POLQ: variants seen among roughly 807,000 people sequenced by gnomAD.
POLQ encodes the protein epididymis secretory sperm binding protein.
A neutral mutation model predicts 259.2 loss-of-function variants in POLQ; 233 were observed. That is an observed-to-expected ratio of 0.90 (90% CI 0.81 to 1.00). The LOEUF (loss-of-function observed/expected upper bound fraction) is 1.00, where lower values mean the gene tolerates loss of function less well. POLQ is among the 50% of genes least tolerant of loss of function. The pLI, the probability that POLQ is intolerant of heterozygous loss-of-function variation, is 0.00. For missense variants in POLQ, 2,871 were observed against 3,051.6 expected, an observed-to-expected ratio of 0.94 and a Z score of 1.39; for synonymous variants, 1,025 against 1,048.8, an observed-to-expected ratio of 0.98 and a Z score of 0.44.
rs149003604 is a variant in POLQ, at chr3:121,541,095, G to A, written c.474+254C>T. Reference sequence around the variant, plus strand: ...GGGGTTTCCCCATGTTGGCCAGGCTGGTCTCGATCTCCTGACCTCAGATGA... The same window carrying A: ...GGGGTTTCCCCATGTTGGCCAGGCTAGTCTCGATCTCCTGACCTCAGATGA... On this transcript the variant is annotated intron_variant, in intron 3 of 29. Transcript: ENST00000264233. Among the ~76,000 whole-genome samples, 1,368 of 152,152 alleles carry A rather than the reference G, an allele frequency of 9.0e-3. 19 individuals carry two copies. Among genetic ancestry groups the A allele is most frequent in the African/African-American group, 0.031 (1,295 of 41,508 alleles).
intron 6 of POLQ, among the ~76,000 whole-genome samples, chr3:121,530,472 T>C (rs902058654): frequency 1.3e-5 from 2 of 152,152 alleles, no homozygotes; most frequent in African/African-American, 2.4e-5. Context: ...AGAGCATGTG[T>C]ACTAAATAAA....
intron 15 of POLQ, 111 bp from the exon 16 acceptor site, chr3:121,490,519 GAAGA>G: frequency 1.2e-6 from 1 of 852,784 alleles, no homozygotes; most frequent in African/African-American, 1.7e-5. Flanking sequence ...TAACAATGAA[GAAGA>G]GAGAGAAATG....
rs548651855 is a variant in POLQ, at chr3:121,476,724, C to T, written c.6221G>A (p.Arg2074His). The change falls in exon 20 of 30, where the codon CGT becomes CAT. Residue 2074 changes from arginine to histidine, a missense_variant. Around this residue, in one of 3 missense-constraint regions of POLQ, gnomAD observed 2,080 missense variants for 2,126.0 expected, o/e 0.98. Transcript: ENST00000264233. ...GTACTGAGAGGGCATTTCCACCTTA[C>T]GGAAAACATCTGGAAGAAAAAAGAA... ...LQKENLQDVF[R>H]KVEMPSQYCL... The T allele has an allele frequency of 1.1e-5, 17 of 1,596,490 alleles. No individual in the cohort carries two copies. The highest frequency in any genetic ancestry group is 5.4e-5 in the African/African-American group (4 of 73,832).
At position 121,489,011 on chromosome 3, in the gene POLQ, T is replaced by C. The variant is rs776389961; in HGVS notation, c.3920A>G (p.His1307Arg). The change falls in exon 16 of 30, where the codon CAT becomes CGT. Residue 1307 changes from histidine to arginine, a missense_variant. By Grantham distance (29) the His-to-Arg change is conservative (BLOSUM62 0). This residue lies in a region of POLQ where 2,080 missense variants were observed against 2,126.0 expected (regional missense o/e 0.98). Transcript: ENST00000264233. Reference protein sequence around the residue: ...TYTTNKTKNNHVSDLGLVLCD... With the variant: ...TYTTNKTKNNRVSDLGLVLCD... ...GAGGACTAAACCTAAGTCAGAAACA[T>C]GATTATTTTTAGTTTTGTTTGTTGT... 18 of 1,612,370 alleles carry C rather than the reference T, an allele frequency of 1.1e-5. No homozygotes were observed. The highest frequency in any genetic ancestry group is 2.5e-6 in the Non-Finnish European group (3 of 1,178,850).
At position 121,487,536 on chromosome 3, in the gene POLQ, T is replaced by A. The variant is rs61734810; in HGVS notation, c.5395A>T (p.Ile1799Phe). ...TGAAGTGAAAAGCTTGTGTCACTAA[T>A]AGGGCTGTTGTCTTTGAACCCATTT... The part of the protein sequence containing the change: ...SRNGFKDNSP[I>F]SDTSFSLQLS... The change falls in exon 16 of 30, where the codon ATT becomes TTT. Residue 1799 changes from isoleucine to phenylalanine, a missense_variant. This residue lies in a region of POLQ where 2,080 missense variants were observed against 2,126.0 expected (regional missense o/e 0.98). Coordinates refer to ENST00000264233, the MANE Select transcript of POLQ (RefSeq NM_199420.4). 1.7e-4 allele frequency: 280 copies of A among 1,613,952 alleles called. 1 individual carries two copies. Among genetic ancestry groups the A allele is most frequent in the Middle Eastern group, 3.3e-4 (2 of 6,078 alleles).
chr3:121,539,520 A>G lies in POLQ; in HGVS notation c.544T>C (p.Ser182Pro), dbSNP rs1224819569. Residue 182 changes from serine (S) to proline (P), a missense_variant, in exon 4 of 30, where the codon TCT becomes CCT. Coordinates refer to ENST00000264233, the MANE Select transcript of POLQ (RefSeq NM_199420.4). ...MGSTSPSRHF[S>P]SLDIAVCTIE... is the part of the protein sequence containing the mutation. ...GTGCAGACTGCAATATCCAATGAAG[A>G]GAAATGCCTTGATGGAGAGGTGCTG... The G allele has an allele frequency of 6.2e-7, 1 of 1,612,872 alleles. No homozygotes were observed.
At chr3:121,513,296 G>A (rs941995796) in intron 9 of POLQ, among the ~76,000 whole-genome samples, 1 of 151,916 alleles carries the variant, frequency 6.6e-6, no homozygotes, top group Non-Finnish European at 1.5e-5. Flanking sequence ...TGATTATAAA[G>A]ATAGGCACCA....
intron 25 of POLQ, among the ~76,000 whole-genome samples, chr3:121,452,694 C>T (rs1018623146): frequency 1.8e-4 from 28 of 152,144 alleles, no homozygotes; most frequent in Admixed American, 2.6e-4. Context: ...GCCCAATGCC[C>T]GCCATTGCCC....
At chr3:121,498,010 T>G (rs2048137582) in intron 13 of POLQ, among the ~76,000 whole-genome samples, 1 of 152,030 alleles carries the variant, frequency 6.6e-6, no homozygotes, top group Non-Finnish European at 1.5e-5. Flanking sequence ...ACCAATAAAT[T>G]TAGTAAATAC....
intron 7 of POLQ, among the ~76,000 whole-genome samples, chr3:121,523,372 A>T (rs890961720): frequency 3.9e-5 from 6 of 152,108 alleles, no homozygotes; most frequent in Non-Finnish European, 7.4e-5. Context: ...GTCTTTAAAA[A>T]TTTTCCAGAC....
intron 18 of POLQ, among the ~76,000 whole-genome samples, chr3:121,482,160 G>C (rs2047976439): frequency 6.6e-6 from 1 of 152,086 alleles, no homozygotes; most frequent in Non-Finnish European, 1.5e-5. Context: ...GGCTAATTTG[G>C]GCTAAGCTAC....
chr3:121,440,689 C>G (rs909901400), intron 26 of POLQ, among the ~76,000 whole-genome samples: 1 of 152,076 alleles, frequency 6.6e-6, no homozygotes, highest in Non-Finnish European at 1.5e-5. Flanking sequence ...AATTCCAGAA[C>G]GGGGCAGATA....
Position 121,472,049 on chromosome 3 carries a change from A to G in POLQ, c.6659T>C (p.Leu2220Pro), listed in dbSNP as rs762394399. Residue 2220 changes from leucine (L) to proline (P), a missense_variant, in exon 22 of 30, where the codon CTT (leucine) becomes CCT (proline). Physicochemically the swap from Leu to Pro is moderately conservative, Grantham distance 98. Coordinates refer to ENST00000264233, the MANE Select transcript of POLQ (RefSeq NM_199420.4). ...VVFPLQREKC[L>P]NPFLGMERIY... ...TCTTTCCATTCCAAGAAAAGGATTAAGACACTTTTCCCGCTGAAGGGGAAA... is the reference window on the plus strand; with the variant it reads ...TCTTTCCATTCCAAGAAAAGGATTAGGACACTTTTCCCGCTGAAGGGGAAA... 7.5e-6 allele frequency: 12 copies of G among 1,590,548 alleles called. No individual in the cohort carries two copies. Among genetic ancestry groups the G allele is most frequent in the Non-Finnish European group, 1.0e-5 (12 of 1,162,968 alleles).
At chr3:121,513,840 T>C (rs1470114175) in intron 9 of POLQ, among the ~76,000 whole-genome samples, 1 of 151,458 alleles carries the variant, frequency 6.6e-6, no homozygotes, top group Non-Finnish European at 1.5e-5. Context: ...CTAACCAACA[T>C]GGTGAAACCC....
chr3:121,476,497 C>T, intron 20 of POLQ, 43 bp downstream of exon 20: 2 of 1,389,764 alleles, frequency 1.4e-6, no homozygotes, highest in South Asian at 2.6e-5. Flanking sequence ...ATCATTTTAA[C>T]TCTAAAAATT....
chr3:121,444,969 T>C (rs2047620881), intron 26 of POLQ, among the ~76,000 whole-genome samples: 1 of 152,224 alleles, frequency 6.6e-6, no homozygotes, highest in Admixed American at 6.5e-5. Flanking sequence ...TGATGAATGA[T>C]CTTTCTAATA....
Position 121,490,003 on chromosome 3 carries a change from C to G in POLQ, c.2928G>C (p.Gly976=). 6.3e-7 allele frequency: 1 copy of G among 1,579,894 alleles called. No individual in the cohort carries two copies. The highest frequency in any genetic ancestry group is 2.2e-5 in the East Asian group (1 of 44,752). The change falls in exon 16 of 30, where the codon GGG becomes GGC. Residue 976 remains glycine, a synonymous_variant. Transcript: ENST00000264233. ...TSSFNCNFQN[G]NQEHQTCSIF... ...TGGAACATGTCTGATGTTCTTGATT[C>G]CCATTCTGGAAATTACAATTAAAGG...
Position 121,467,523 on chromosome 3 carries a change from GAAAGGCAC to G in POLQ, c.6955_6962del (p.Val2319ProfsTer9). On this transcript the variant is annotated frameshift_variant, in exon 24 of 30. Coordinates refer to ENST00000264233, the MANE Select transcript of POLQ (RefSeq NM_199420.4). LOFTEE classifies it high-confidence loss of function. ...CAAAGCTATCAGCCACCTTACCTGG[GAAAGGCAC>G]AAAGGCATGTCGCATGCTAATTGAA... is the stretch of plus-strand genomic sequence containing the variant. 2 of 1,613,502 alleles carry G rather than the reference GAAAGGCAC, an allele frequency of 1.2e-6. No homozygotes were observed. Among genetic ancestry groups the G allele is most frequent in the Non-Finnish European group, 1.7e-6 (2 of 1,179,702 alleles).
intron 2 of POLQ, among the ~76,000 whole-genome samples, chr3:121,543,001 C>T (rs770520328): frequency 1.3e-4 from 19 of 151,960 alleles, no homozygotes; most frequent in Non-Finnish European, 2.4e-4. Context: ...AAAAAGACCA[C>T]TTTGGCTGCA....
Sources: gnomAD v4.1 joint callset for allele counts (sites outside exome capture counted in the v4.1 genomes callset) on GRCh38, gnomAD v4.1.1 for gene constraint, gnomAD v4.1.1 regional missense constraint, MANE v1.5 for transcripts, NCBI Gene and HGNC (gene_info 2026-07-23, HGNC 2026-07-21) for gene names.